CHIA: variants seen among roughly 807,000 people sequenced by gnomAD.
CHIA encodes acidic mammalian chitinase.
A neutral mutation model predicts 53.5 loss-of-function variants in CHIA; 47 were observed. That is an observed-to-expected ratio of 0.88 (90% CI 0.70 to 1.12). The LOEUF is 1.12. CHIA is among the 50% of genes most tolerant of loss of function. The pLI, the probability that CHIA is intolerant of heterozygous loss-of-function variation, is 0.00. For synonymous variants in CHIA, 268 were observed against 222.2 expected (o/e 1.21, Z -1.83); for missense variants, 652 against 592.2 (o/e 1.10, Z -1.05).
intron 1 of CHIA, among the ~76,000 whole-genome samples, chr1:111,291,830 C>CGGGGGGG: frequency 1.0e-5 from 1 of 98,008 alleles, no homozygotes; most frequent in South Asian, 3.4e-4. Flanking sequence ...TGGGGCCTGT[C>CGGGGGGG]GGGGGGGGGT....
Position 111,314,583 on chromosome 1 carries a change from T to G in CHIA, c.301T>G (p.Phe101Val), listed in dbSNP as rs1488643348. Residue 101 changes from phenylalanine (F) to valine (V), a missense_variant, in exon 5 of 12, where the codon TTC (phenylalanine) becomes GTC (valine). Physicochemically the swap from Phe to Val is conservative, Grantham distance 50. Coordinates refer to ENST00000369740, the MANE Select transcript of CHIA (RefSeq NM_201653.4). ...KTLLAIGGWN[F>V]GTAPFTAMVS... ...TCTCCTGGCCATTGGAGGCTGGAAC[T>G]TCGGGACTGCCCCGTAAGTCTTCTA... 6.2e-7 allele frequency: 1 copy of G among 1,613,412 alleles called. No individual in the cohort carries two copies. Among genetic ancestry groups the G allele is most frequent in the Non-Finnish European group, 8.5e-7 (1 of 1,179,320 alleles).
Position 111,312,362 on chromosome 1 carries a change from C to A in CHIA, c.228C>A (p.Leu76=), listed in dbSNP as rs1378302225. 6.2e-7 allele frequency: 1 copy of A among 1,614,132 alleles called. No individual in the cohort carries two copies. Among genetic ancestry groups the A allele is most frequent in the South Asian group, 1.1e-5 (1 of 91,072 alleles). ...ITTIEWNDVT[L]YQAFNGLKNK... ...CCATCGAATGGAATGATGTGACTCT[C>A]TACCAAGCTTTCAATGGCCTGAAAA... The change falls in exon 4 of 12, where the codon CTC becomes CTA. Residue 76 remains leucine, a synonymous_variant. Transcript: ENST00000369740.
At position 111,318,679 on chromosome 1, in the gene CHIA, G is replaced by T; in HGVS notation, c.915+1G>T. ...GTCTGGGATCTGGGCTTACTACGAG[G>T]TATGTAGATTGGACTGAAAAGTGCT... On this transcript the variant is annotated splice_donor_variant, in intron 9 of 11. Coordinates refer to ENST00000369740, the MANE Select transcript of CHIA (RefSeq NM_201653.4). LOFTEE classifies it high-confidence loss of function. The T allele has an allele frequency of 6.2e-7, 1 of 1,612,396 alleles. No homozygotes were observed. The highest frequency in any genetic ancestry group is 8.5e-7 in the Non-Finnish European group (1 of 1,179,066).
chr1:111,315,448 G>C lies in CHIA; in HGVS notation c.480+13G>C. 1.2e-6 allele frequency: 2 copies of C among 1,608,696 alleles called. No homozygotes were observed. Among genetic ancestry groups the C allele is most frequent in the Middle Eastern group, 1.7e-4 (1 of 6,034 alleles). ...TGTCCTGGTGCAGGTGGGGAAGGAA[G>C]TCCCAGTCTTTAGCCCAAAAAGATT... On this transcript the variant is annotated intron_variant, in intron 6 of 11. Coordinates refer to ENST00000369740, the MANE Select transcript of CHIA (RefSeq NM_201653.4).
rs1288877638 is a variant in CHIA at position 111,318,444 on chromosome 1, C to G, written c.730-49C>G. ...AATAGGGGACTAATATAACTAAGTACTGGGTCCTCAGCTGGTTGGGCCATG... is the reference window on the plus strand; with the variant it reads ...AATAGGGGACTAATATAACTAAGTAGTGGGTCCTCAGCTGGTTGGGCCATG... On this transcript the variant is annotated intron_variant, in intron 8 of 11. Coordinates refer to ENST00000369740, the MANE Select transcript of CHIA (RefSeq NM_201653.4). The G allele has an allele frequency of 1.5e-5, 22 of 1,490,568 alleles. No individual in the cohort carries two copies. The East Asian group carries it at 5.0e-4, about 34-fold the overall frequency. 92.3% of individuals were successfully genotyped at this position (1,490,568 alleles called of 1,614,324 possible).
intron 6 of CHIA, 47 bp from the exon 7 acceptor site, chr1:111,317,634 C>G: frequency 6.2e-7 from 1 of 1,608,350 alleles, no homozygotes; most frequent in African/African-American, 1.3e-5. Context: ...ATTTAAGGAG[C>G]TAAAATCAGC....
chr1:111,303,995 A>C (rs1638539599), intron 1 of CHIA, among the ~76,000 whole-genome samples: 1 of 152,160 alleles, frequency 6.6e-6, no homozygotes, highest in South Asian at 2.1e-4. Flanking sequence ...TTTGAAGGAT[A>C]GTTTTGCCAG....
chr1:111,315,445 G>T lies in CHIA; in HGVS notation c.480+10G>T, dbSNP rs764134119. On this transcript the variant is annotated intron_variant, in intron 6 of 11. Coordinates refer to ENST00000369740, the MANE Select transcript of CHIA (RefSeq NM_201653.4). The stretch of plus-strand genomic sequence containing the variant: ...CACTGTCCTGGTGCAGGTGGGGAAG[G>T]AAGTCCCAGTCTTTAGCCCAAAAAG... 1.2e-6 allele frequency: 2 copies of T among 1,610,396 alleles called. No homozygotes were observed. The highest frequency in any genetic ancestry group is 2.2e-5 in the East Asian group (1 of 44,806).
rs182099181 is a variant in CHIA, at chr1:111,295,276, G to A, written c.-69+4326G>A. 1.1e-3 allele frequency among the ~76,000 whole-genome samples: 167 copies of A among 152,234 alleles called. 1 individual carries two copies. Among genetic ancestry groups the A allele is most frequent in the African/African-American group, 2.9e-3 (119 of 41,534 alleles). On this transcript the variant is annotated intron_variant, in intron 1 of 11. Coordinates refer to ENST00000369740, the MANE Select transcript of CHIA (RefSeq NM_201653.4). ...GCTCACTGCAGCCTCAACTTCCCAGGCTCAAGTGATTCTCCTACCTGGGCC... is the reference window on the plus strand; with the variant it reads ...GCTCACTGCAGCCTCAACTTCCCAGACTCAAGTGATTCTCCTACCTGGGCC...
At chr1:111,297,155 G>A (rs1647231418) in intron 1 of CHIA, among the ~76,000 whole-genome samples, 1 of 152,188 alleles carries the variant, frequency 6.6e-6, no homozygotes, top group South Asian at 2.1e-4. Context: ...CACTCTGCAG[G>A]ATATTATCCA....
At chr1:111,298,499 G>T (rs1647405074) in intron 1 of CHIA, among the ~76,000 whole-genome samples, 1 of 152,144 alleles carries the variant, frequency 6.6e-6, no homozygotes, top group African/African-American at 2.4e-5. Flanking sequence ...TGACTACTGG[G>T]TAAATAACGA....
intron 1 of CHIA, among the ~76,000 whole-genome samples, chr1:111,298,718 G>T (rs1647428701): frequency 6.6e-6 from 1 of 152,058 alleles, no homozygotes; most frequent in Non-Finnish European, 1.5e-5. Context: ...GCTAGCAGAA[G>T]GTGAGAAATA....
chr1:111,319,378 G>A lies in CHIA; in HGVS notation c.1087G>A (p.Asp363Asn). 6.2e-7 allele frequency: 1 copy of A among 1,614,214 alleles called. No individual in the cohort carries two copies. The highest frequency in any genetic ancestry group is 8.5e-7 in the Non-Finnish European group (1 of 1,180,026). ...TGGAGGCGCCATGGTCTGGGCCATT[G>A]ATCTGGATGACTTCACTGGCACTTT... ...KFGGAMVWAI[D>N]LDDFTGTFCN... The change falls in exon 11 of 12, where the codon GAT (aspartate) becomes AAT (asparagine). Residue 363 changes from aspartate to asparagine, a missense_variant. Asp to Asn is a conservative substitution (Grantham distance 23, BLOSUM62 1). Coordinates refer to ENST00000369740, the MANE Select transcript of CHIA (RefSeq NM_201653.4).
chr1:111,312,085 A>G, intron 3 of CHIA, 105 bp from the exon 4 acceptor site: 1 of 835,696 alleles, frequency 1.2e-6, no homozygotes, highest in Non-Finnish European at 2.1e-6. Flanking sequence ...CACAGAGATC[A>G]GGCATCTGAG....
chr1:111,308,708 A>G lies in CHIA; in HGVS notation c.-68-1692A>G, dbSNP rs191524043. On this transcript the variant is annotated intron_variant, in intron 1 of 11. Transcript: ENST00000369740. The stretch of plus-strand genomic sequence containing the variant: ...TTTTCCCCAGGATTTAATTCTTGTC[A>G]TTCATAGATGGAAAATAAAATTGGA... 3.3e-5 allele frequency among the ~76,000 whole-genome samples: 5 copies of G among 152,240 alleles called. No individual in the cohort carries two copies. In the East Asian group the frequency reaches 5.8e-4, roughly 18 times the overall value.
chr1:111,293,877 T>C (rs900339136), intron 1 of CHIA, among the ~76,000 whole-genome samples: 23 of 152,102 alleles, frequency 1.5e-4, no homozygotes, highest in African/African-American at 5.3e-4. Flanking sequence ...CTCAGGAGTT[T>C]GAGACCAGCT....
chr1:111,300,049 G>A (rs1003297146), intron 1 of CHIA, among the ~76,000 whole-genome samples: 12 of 152,070 alleles, frequency 7.9e-5, no homozygotes, highest in African/African-American at 2.7e-4. Context: ...TCTTCAAGGA[G>A]AACTACAAAG....
At chr1:111,316,817 A>T (rs981444440) in intron 6 of CHIA, 1 of 152,210 alleles carries the variant, frequency 6.6e-6, no homozygotes, top group Non-Finnish European at 1.5e-5. Context: ...AATAGTTTCA[A>T]TGTTAAGTAA....
chr1:111,312,372 T>C lies in CHIA; in HGVS notation c.238T>C (p.Phe80Leu). ...GAATGATGTGACTCTCTACCAAGCTTTCAATGGCCTGAAAAATAAGTAGGA... is the reference window on the plus strand; with the variant it reads ...GAATGATGTGACTCTCTACCAAGCTCTCAATGGCCTGAAAAATAAGTAGGA... ...EWNDVTLYQA[F>L]NGLKNKNSQL... The change falls in exon 4 of 12, where the codon TTC becomes CTC. Residue 80 changes from phenylalanine to leucine, a missense_variant. By Grantham distance (22) the Phe-to-Leu change is conservative. Transcript: ENST00000369740. 1 of 1,614,018 alleles carries C rather than the reference T, an allele frequency of 6.2e-7. No homozygotes were observed. Among genetic ancestry groups the C allele is most frequent in the Non-Finnish European group, 8.5e-7 (1 of 1,179,876 alleles).
Sources: gnomAD v4.1 joint callset for allele counts (sites outside exome capture counted in the v4.1 genomes callset) on GRCh38, gnomAD v4.1.1 for gene constraint, MANE v1.5 for transcripts, NCBI Gene and HGNC (gene_info 2026-07-23, HGNC 2026-07-21) for gene names.